Variants in SMURF2 observed in about 807,000 individuals in gnomAD.
SMURF2 encodes E3 ubiquitin-protein ligase SMURF2.
A neutral mutation model predicts 109.6 loss-of-function variants in SMURF2; 48 were observed. The observed-to-expected ratio is 0.44, with a 90% confidence interval of 0.35 to 0.56. The LOEUF (loss-of-function observed/expected upper bound fraction) is 0.56. SMURF2 is among the 20% of genes least tolerant of loss of function. The pLI is 0.01. For synonymous variants in SMURF2, 288 were observed against 317.1 expected (o/e 0.91, Z 0.97); for missense variants, 575 against 909.0 (o/e 0.63, Z 4.72).
At chr17:64,634,154 C>CA (rs1445799588) in intron 1 of SMURF2, among the ~76,000 whole-genome samples, 3 of 152,122 alleles carry the variant, frequency 2.0e-5, no homozygotes, top group East Asian at 1.9e-4. Context: ...TGTTTCAAAA[C>CA]AAAAAACAAA....
chr17:64,631,021 G>A (rs1285009207), intron 1 of SMURF2, among the ~76,000 whole-genome samples: 1 of 151,782 alleles, frequency 6.6e-6, no homozygotes, highest in African/African-American at 2.4e-5. Context: ...GAAAGGTGAA[G>A]GTCATGTGTA....
At chr17:64,587,233 T>C (rs1555687194) in intron 5 of SMURF2, among the ~76,000 whole-genome samples, 1 of 152,110 alleles carries the variant, frequency 6.6e-6, no homozygotes, top group Non-Finnish European at 1.5e-5. Context: ...AAGAGGGCCA[T>C]CCTGGTATTC....
chr17:64,626,779 A>C (rs1199471220), intron 1 of SMURF2, among the ~76,000 whole-genome samples: 1 of 151,712 alleles, frequency 6.6e-6, no homozygotes, highest in Non-Finnish European at 1.5e-5. Context: ...AAAACAAAAC[A>C]AAACAAAACT....
chr17:64,654,649 G>A (rs1970682396), intron 1 of SMURF2, among the ~76,000 whole-genome samples: 1 of 151,976 alleles, frequency 6.6e-6, no homozygotes, highest in Admixed American at 6.6e-5. Context: ...GACCAACATG[G>A]AGAAACCCCA....
At chr17:64,651,626 G>A (rs1970642155) in intron 1 of SMURF2, among the ~76,000 whole-genome samples, 1 of 151,078 alleles carries the variant, frequency 6.6e-6, no homozygotes, top group Admixed American at 6.6e-5. Flanking sequence ...ATAAAATAAT[G>A]CAAGCAAAAA....
At chr17:64,569,912 C>A (rs1555685413) in intron 10 of SMURF2, among the ~76,000 whole-genome samples, 3 of 152,118 alleles carry the variant, frequency 2.0e-5, no homozygotes, top group Non-Finnish European at 4.4e-5. Context: ...CTATAAAGAC[C>A]CTAATGCACA....
chr17:64,592,308 A>C (rs148139589), intron 4 of SMURF2, among the ~76,000 whole-genome samples: 78 of 152,360 alleles, frequency 5.1e-4, no homozygotes, highest in Admixed American at 1.2e-3. Context: ...CAGTTTGCTG[A>C]GTAATAAAAC....
At chr17:64,562,747 A>G in intron 11 of SMURF2, 24 bp downstream of exon 11, 1 of 1,600,752 alleles carries the variant, frequency 6.2e-7, no homozygotes, top group Non-Finnish European at 8.5e-7. Context: ...AAATAGTAAA[A>G]CAAAATAAGG....
chr17:64,546,258 C>G lies in SMURF2; in HGVS notation c.2147+5G>C, dbSNP rs1161287307. 6.2e-7 allele frequency: 1 copy of G among 1,613,684 alleles called. No homozygotes were observed. Among genetic ancestry groups the G allele is most frequent in the Non-Finnish European group, 8.5e-7 (1 of 1,179,760 alleles). ...ATGGGGAATACAGCTACAAAAATAC[C>G]TTACCAAGTGTGGGCTTTCGGCAGG... On this transcript the variant is annotated splice_donor_5th_base_variant and intron_variant, in intron 18 of 18. Transcript: ENST00000262435.
intron 2 of SMURF2, among the ~76,000 whole-genome samples, chr17:64,603,589 A>G (rs1466150597): frequency 6.6e-6 from 1 of 151,978 alleles, no homozygotes; most frequent in Non-Finnish European, 1.5e-5. Context: ...GGGGGAAAAA[A>G]AAAAAAAAAA....
chr17:64,553,036 T>C (rs1486288380), intron 15 of SMURF2, among the ~76,000 whole-genome samples: 1 of 151,982 alleles, frequency 6.6e-6, no homozygotes, highest in East Asian at 1.9e-4. Context: ...AGAAACGTAA[T>C]ACATACTTTT....
chr17:64,566,902 A>T (rs1382449931), intron 10 of SMURF2, among the ~76,000 whole-genome samples: 9 of 95,052 alleles, frequency 9.5e-5, no homozygotes, highest in South Asian at 3.4e-4. Context: ...TTAGATAGAG[A>T]CTCTGTCGCC....
At chr17:64,569,721 G>A (rs1230193152) in intron 10 of SMURF2, among the ~76,000 whole-genome samples, 4 of 152,180 alleles carry the variant, frequency 2.6e-5, no homozygotes, top group Admixed American at 6.5e-5. Flanking sequence ...GCAGCAACAG[G>A]AACTCATATA....
chr17:64,587,119 T>C (rs1969673872), intron 5 of SMURF2, among the ~76,000 whole-genome samples: 2 of 152,178 alleles, frequency 1.3e-5, no homozygotes, highest in Non-Finnish European at 2.9e-5. Flanking sequence ...GAGGTTGCAG[T>C]GAGCCGTGAT....
At chr17:64,575,310 T>G (rs914282585) in intron 9 of SMURF2, among the ~76,000 whole-genome samples, 6 of 151,862 alleles carry the variant, frequency 4.0e-5, no homozygotes, top group African/African-American at 1.2e-4. Context: ...CATGCCACCA[T>G]GCCTGGCTAA....
intron 1 of SMURF2, among the ~76,000 whole-genome samples, chr17:64,627,111 CTT>C (rs1204553792): frequency 1.3e-4 from 16 of 120,116 alleles, no homozygotes; most frequent in East Asian, 2.2e-4. Context: ...AGTTTTTTTC[CTT>C]TTTTTTTTTT....
intron 1 of SMURF2, among the ~76,000 whole-genome samples, chr17:64,617,165 G>A (rs890087914): frequency 6.7e-6 from 1 of 149,470 alleles, no homozygotes; most frequent in Non-Finnish European, 1.5e-5. Flanking sequence ...CTAGGTTACA[G>A]AAGGGTGCTC....
chr17:64,586,444 T>C (rs1448653888), intron 5 of SMURF2, among the ~76,000 whole-genome samples: 1 of 152,152 alleles, frequency 6.6e-6, no homozygotes, highest in Non-Finnish European at 1.5e-5. Flanking sequence ...GAGTCACTAC[T>C]GTACTTAATT....
rs1568214892 is a variant in SMURF2, at chr17:64,661,942, G to A, written c.-62C>T. 1 of 1,147,710 alleles carries A rather than the reference G, an allele frequency of 8.7e-7. No individual in the cohort carries two copies. Among genetic ancestry groups the A allele is most frequent in the Non-Finnish European group, 1.1e-6 (1 of 934,410 alleles). 71.1% of individuals were successfully genotyped at this position (1,147,710 alleles called of 1,614,324 possible). ...CACGGGGGCGACGGCGAGGCGCGGC[G>A]GAGTCACCACAGCGGCCGGGGCTGG... On this transcript the variant is annotated 5_prime_UTR_variant, in exon 1 of 19. Coordinates refer to ENST00000262435, the MANE Select transcript of SMURF2 (RefSeq NM_022739.4).
Sources: allele counts gnomAD v4.1 joint callset (sites outside exome capture counted in the v4.1 genomes callset), GRCh38; gene constraint gnomAD v4.1.1; transcripts MANE v1.5; gene names NCBI Gene and HGNC (gene_info 2026-07-23, HGNC 2026-07-21).